The following PTER variants were observed in gnomAD, a reference collection of about 807,000 sequenced individuals.
The protein encoded by PTER is N-acetyltaurine hydrolase.
A neutral mutation model predicts 29.6 loss-of-function variants in PTER; 38 were observed. The ratio of observed to expected loss-of-function variants is 1.28; its 90% CI spans 0.99 to 1.68. The LOEUF is 1.68. PTER is among the 40% of genes most tolerant of loss of function. The pLI is 0.00. For synonymous variants in PTER, 172 were observed against 154.5 expected (o/e 1.11, Z -0.84); for missense variants, 482 against 427.8 (o/e 1.13, Z -1.12).
intron 1 of PTER, among the ~76,000 whole-genome samples, chr10:16,447,327 T>G (rs1004652785): frequency 1.3e-5 from 2 of 151,924 alleles, no homozygotes; most frequent in Non-Finnish European, 2.9e-5. Context: ...TCTTGAACTC[T>G]TGGCCTCAAG....
chr10:16,509,995 C>T (rs927419625), intron 4 of PTER, among the ~76,000 whole-genome samples: 5 of 152,118 alleles, frequency 3.3e-5, no homozygotes, highest in Non-Finnish European at 5.9e-5. Context: ...TGTACTAGGA[C>T]ACCAAGAAAT....
chr10:16,486,675 A>G, intron 3 of PTER, 58 bp downstream of exon 3: 1 of 1,525,258 alleles, frequency 6.6e-7, no homozygotes, highest in African/African-American at 1.4e-5. Flanking sequence ...GCATGATCAA[A>G]TTAAGAATCT....
At chr10:16,510,353 CAA>C in intron 4 of PTER, among the ~76,000 whole-genome samples, 1 of 152,296 alleles carries the variant, frequency 6.6e-6, no homozygotes, top group Non-Finnish European at 1.5e-5. Context: ...ATTATTTTAG[CAA>C]TCTTGCTGAC....
intron 1 of PTER, among the ~76,000 whole-genome samples, chr10:16,476,904 T>C (rs777527732): frequency 0.082 from 11,526 of 140,042 alleles, 875 homozygotes; most frequent in South Asian, 0.17. Flanking sequence ...TAGAATTCTT[T>C]TTTTTTTTTT....
At chr10:16,497,846 A>G (rs1344205515) in intron 3 of PTER, among the ~76,000 whole-genome samples, 1 of 152,222 alleles carries the variant, frequency 6.6e-6, no homozygotes, top group Admixed American at 6.5e-5. Flanking sequence ...GTCTTGCATT[A>G]TAGTACCAGC....
chr10:16,458,837 A>G (rs1436055389), intron 1 of PTER, among the ~76,000 whole-genome samples: 1 of 152,162 alleles, frequency 6.6e-6, no homozygotes, highest in Non-Finnish European at 1.5e-5. Flanking sequence ...TTCCATTCCT[A>G]TCACAACCAC....
At chr10:16,467,742 A>G (rs1461818739) in intron 1 of PTER, among the ~76,000 whole-genome samples, 1 of 152,118 alleles carries the variant, frequency 6.6e-6, no homozygotes, top group African/African-American at 2.4e-5. Context: ...AACCTGGAAG[A>G]TGGAGGTTGC....
At chr10:16,442,588 T>G (rs936680640) in intron 1 of PTER, among the ~76,000 whole-genome samples, 1 of 151,934 alleles carries the variant, frequency 6.6e-6, no homozygotes. Flanking sequence ...TGGGCAACAG[T>G]GAGACTCCCA....
chr10:16,464,040 C>T (rs1834720968), intron 1 of PTER, among the ~76,000 whole-genome samples: 1 of 152,146 alleles, frequency 6.6e-6, no homozygotes, highest in South Asian at 2.1e-4. Flanking sequence ...GCCTACTTCA[C>T]CGGTACATTA....
intron 1 of PTER, among the ~76,000 whole-genome samples, chr10:16,441,382 C>T (rs11253991): frequency 0.26 from 38,918 of 151,910 alleles, 5,103 homozygotes; most frequent in Middle Eastern, 0.38. Context: ...TTGACTAATA[C>T]GTTTTTTTTC....
chr10:16,464,800 A>G (rs1006780136), intron 1 of PTER, among the ~76,000 whole-genome samples: 1 of 152,098 alleles, frequency 6.6e-6, no homozygotes, highest in Non-Finnish European at 1.5e-5. Context: ...GTATCCATCC[A>G]TTTTCATGCT....
Position 16,456,904 on chromosome 10 carries a change from G to A in PTER, c.-49+19857G>A, listed in dbSNP as rs575810073. Among the ~76,000 whole-genome samples the A allele has an allele frequency of 4.6e-5, 7 of 150,976 alleles. No individual in the cohort carries two copies. The East Asian group carries it at 1.2e-3, about 25-fold the overall frequency. ...ATGCTGTTCTCGTGGTAGTGAATAAGTCTCACAAGATCTGATGATTTTATA... is the reference window on the plus strand; with the variant it reads ...ATGCTGTTCTCGTGGTAGTGAATAAATCTCACAAGATCTGATGATTTTATA... On this transcript the variant is annotated intron_variant, in intron 1 of 4. Coordinates refer to ENST00000535784, the MANE Select transcript of PTER (RefSeq NM_001261836.2).
chr10:16,472,406 G>A (rs954923116), intron 1 of PTER, among the ~76,000 whole-genome samples: 1 of 152,114 alleles, frequency 6.6e-6, no homozygotes, highest in Non-Finnish European at 1.5e-5. Flanking sequence ...AATCACGGGG[G>A]CGGTTTCCCC....
intron 1 of PTER, among the ~76,000 whole-genome samples, chr10:16,457,755 AC>A (rs1272624656): frequency 6.6e-6 from 1 of 151,246 alleles, no homozygotes; most frequent in Non-Finnish European, 1.5e-5. Context: ...GCGTGCCACC[AC>A]ACCTGTAGTG....
chr10:16,504,918 C>T (rs1362972990), intron 3 of PTER, 102 bp from the exon 4 acceptor site: 1 of 1,349,460 alleles, frequency 7.4e-7, no homozygotes, highest in East Asian at 2.3e-5. Context: ...TCGACTTCAA[C>T]TATGTTCTTG....
At chr10:16,459,723 GTTATTTATTTAT>G (rs749526667) in intron 1 of PTER, among the ~76,000 whole-genome samples, 113 of 150,984 alleles carry the variant, frequency 7.5e-4, no homozygotes, top group African/African-American at 2.3e-3. Flanking sequence ...ATATTTCAGA[GTTATTTATTTAT>G]TTATTTATTT....
rs1836877536 is a variant in PTER at position 16,513,179 on chromosome 10, G to A, written c.*1923G>A. On this transcript the variant is annotated 3_prime_UTR_variant, in exon 5 of 5. Coordinates refer to ENST00000535784, the MANE Select transcript of PTER (RefSeq NM_001261836.2). ...TTAACTTACAGACCTGTGAAATAAA[G>A]GGCATTTTGACCTAATACAATTAAT... is the stretch of plus-strand genomic sequence containing the variant. 6.6e-6 allele frequency: 1 copy of A among 152,148 alleles called. No individual in the cohort carries two copies. The highest frequency in any genetic ancestry group is 2.1e-4 in the South Asian group (1 of 4,818). The allele number at this position is 152,148 out of a possible 1,614,324, so 9.4% of individuals were successfully genotyped here.
chr10:16,488,150 C>T (rs916353360), intron 3 of PTER, among the ~76,000 whole-genome samples: 2 of 152,148 alleles, frequency 1.3e-5, no homozygotes, highest in Non-Finnish European at 2.9e-5. Context: ...AAGATCCATA[C>T]TTGGCTATCT....
At chr10:16,479,396 G>A (rs1173328066) in intron 1 of PTER, among the ~76,000 whole-genome samples, 3 of 152,010 alleles carry the variant, frequency 2.0e-5, no homozygotes, top group Admixed American at 6.6e-5. Context: ...TGGTGTCACC[G>A]TTGGTCAGTG....
Sources: allele counts gnomAD v4.1 joint callset (sites outside exome capture counted in the v4.1 genomes callset), GRCh38; gene constraint gnomAD v4.1.1; transcripts MANE v1.5; gene names NCBI Gene and HGNC (gene_info 2026-07-23, HGNC 2026-07-21).